UNC79: variants seen among roughly 807,000 people sequenced by gnomAD.
UNC79 encodes protein unc-79 homolog.
UNC79 carries 37 observed loss-of-function variants against 283.1 expected under a neutral mutation model. That is an observed-to-expected ratio of 0.13 (90% CI 0.10 to 0.17). The LOEUF (loss-of-function observed/expected upper bound fraction) is 0.17. UNC79 is among the 10% of genes least tolerant of loss of function. The pLI, the probability that UNC79 is intolerant of heterozygous loss-of-function variation, is 1.00. For synonymous variants in UNC79, 1,107 were observed against 1,200.2 expected (o/e 0.92, Z 1.61); for missense variants, 2,272 against 3,211.1 (o/e 0.71, Z 7.07).
At chr14:93,465,015 A>G (rs865953785) in intron 1 of UNC79, among the ~76,000 whole-genome samples, 8 of 152,336 alleles carry the variant, frequency 5.3e-5, no homozygotes, top group African/African-American at 1.7e-4. Context: ...GCATTCACCA[A>G]TGCACAAATT....
intron 14 of UNC79, among the ~76,000 whole-genome samples, chr14:93,550,034 G>C (rs770690688): frequency 6.6e-6 from 1 of 152,158 alleles, no homozygotes; most frequent in Non-Finnish European, 1.5e-5. Context: ...GCTGGAAATG[G>C]CCATTCAGCA....
At chr14:93,378,288 G>T (rs185529044) in intron 1 of UNC79, among the ~76,000 whole-genome samples, 1 of 152,316 alleles carries the variant, frequency 6.6e-6, no homozygotes, top group African/African-American at 2.4e-5. Flanking sequence ...GACTTCTTGA[G>T]GATTGGCATT....
upstream of UNC79, among the ~76,000 whole-genome samples, chr14:93,428,080 G>C (rs2055770855): frequency 6.6e-6 from 1 of 152,090 alleles, no homozygotes; most frequent in African/African-American, 2.4e-5. Flanking sequence ...GTCACCAAGA[G>C]ATAAAGCAAT....
exon 46 of UNC79, chr14:93,691,828 C>T: frequency 1.2e-6 from 2 of 1,614,190 alleles, no homozygotes; most frequent in Non-Finnish European, 1.7e-6. Flanking sequence ...GAGCAAAGTG[C>T]CGTCGCTACA....
chr14:93,573,084 A>G (rs2402316), intron 16 of UNC79, among the ~76,000 whole-genome samples: 149,477 of 152,362 alleles, frequency 0.98, 73,337 homozygotes, highest in African/African-American at 1. Flanking sequence ...TTCCATCAAT[A>G]GCTATTAAAA....
At chr14:93,382,481 C>T (rs1053489075) in intron 1 of UNC79, among the ~76,000 whole-genome samples, 2 of 152,076 alleles carry the variant, frequency 1.3e-5, no homozygotes, top group Admixed American at 1.3e-4. Flanking sequence ...ATATTCCTTC[C>T]CTTCCTCAGG....
At chr14:93,510,507 G>A (rs2059767996) in intron 7 of UNC79, among the ~76,000 whole-genome samples, 1 of 152,154 alleles carries the variant, frequency 6.6e-6, no homozygotes, top group South Asian at 2.1e-4. Context: ...AAGCAGCTTG[G>A]CCACATTGTG....
chr14:93,659,238 A>T, exon 39 of UNC79: 2 of 1,611,996 alleles, frequency 1.2e-6, no homozygotes, highest in Non-Finnish European at 1.7e-6. Context: ...CCTCTTGAAG[A>T]TCCCTTCTAC....
chr14:93,437,243 TA>T (rs1320727130), intron 1 of UNC79, among the ~76,000 whole-genome samples: 1 of 152,176 alleles, frequency 6.6e-6, no homozygotes, highest in African/African-American at 2.4e-5. Context: ...AAAGACAGTT[TA>T]GATATTTATT....
intron 14 of UNC79, among the ~76,000 whole-genome samples, chr14:93,552,337 T>G (rs1272060794): frequency 2.0e-5 from 3 of 152,180 alleles, no homozygotes; most frequent in Non-Finnish European, 2.9e-5. Flanking sequence ...TCTTTAGTTA[T>G]GGAGGAGGGT....
chr14:93,455,490 C>T (rs528033747), intron 1 of UNC79, among the ~76,000 whole-genome samples: 12 of 151,582 alleles, frequency 7.9e-5, no homozygotes, highest in East Asian at 3.9e-4. Flanking sequence ...TGCATGCGTG[C>T]GTGTGTCTGT....
chr14:93,583,753 C>A (rs1490719608), intron 20 of UNC79, among the ~76,000 whole-genome samples: 1 of 151,006 alleles, frequency 6.6e-6, no homozygotes, highest in Non-Finnish European at 1.5e-5. Context: ...GGCTCCCCAC[C>A]TTGCTTCTGC....
intron 1 of UNC79, among the ~76,000 whole-genome samples, chr14:93,402,885 C>G (rs2055139978): frequency 6.6e-6 from 1 of 152,172 alleles, no homozygotes; most frequent in Non-Finnish European, 1.5e-5. Flanking sequence ...ATACCCATGA[C>G]ACAGCCTCAA....
intron 1 of UNC79, among the ~76,000 whole-genome samples, chr14:93,455,270 G>A (rs935701347): frequency 6.6e-6 from 1 of 152,116 alleles, no homozygotes; most frequent in Non-Finnish European, 1.5e-5. Flanking sequence ...AGAGAAGATC[G>A]TTCTTTGATT....
chr14:93,426,258 G>T (rs2055723353), upstream of UNC79, among the ~76,000 whole-genome samples: 1 of 151,840 alleles, frequency 6.6e-6, no homozygotes, highest in Non-Finnish European at 1.5e-5. Context: ...TGGTTCCAAG[G>T]TTTTCCCTTG....
At chr14:93,390,547 T>C (rs1412525717) in intron 1 of UNC79, among the ~76,000 whole-genome samples, 1 of 152,186 alleles carries the variant, frequency 6.6e-6, no homozygotes, top group East Asian at 1.9e-4. Flanking sequence ...GTAACTTGAT[T>C]GTGTATATAT....
intron 7 of UNC79, among the ~76,000 whole-genome samples, chr14:93,508,900 G>C (rs1296197754): frequency 6.6e-6 from 1 of 152,126 alleles, no homozygotes; most frequent in Non-Finnish European, 1.5e-5. Context: ...AACAGAGTCT[G>C]TTGAATAGAA....
chr14:93,487,589 T>A, intron 4 of UNC79, 74 bp from the exon 5 acceptor site: 1 of 1,172,440 alleles, frequency 8.5e-7, no homozygotes. Flanking sequence ...CCTTCTTATC[T>A]CTCATGCTCT....
chr14:93,633,520 T>C (rs942936371), intron 31 of UNC79, among the ~76,000 whole-genome samples: 21 of 152,162 alleles, frequency 1.4e-4, no homozygotes, highest in Non-Finnish European at 2.9e-4. Context: ...CTAGGGCGTG[T>C]AGTTGATAGC....
Sources: allele counts gnomAD v4.1 joint callset (sites outside exome capture counted in the v4.1 genomes callset), GRCh38; gene constraint gnomAD v4.1.1; transcripts MANE v1.5; gene names NCBI Gene and HGNC (gene_info 2026-07-23, HGNC 2026-07-21).